ZNF423: variants seen among roughly 807,000 people sequenced by gnomAD.
ZNF423 encodes zinc finger protein 423.
ZNF423 carries 12 observed loss-of-function variants against 95.8 expected under a neutral mutation model. The ratio of observed to expected loss-of-function variants is 0.13; its 90% CI spans 0.08 to 0.20. ZNF423 has a LOEUF of 0.20. ZNF423 is among the 10% of genes least tolerant of loss of function. ZNF423 has a pLI of 1.00. For synonymous variants in ZNF423, 749 were observed against 711.9 expected (o/e 1.05, Z -0.83); for missense variants, 1,316 against 1,737.1 (o/e 0.76, Z 4.31).
chr16:49,738,493 C>T (rs1188609589), intron 2 of ZNF423, among the ~76,000 whole-genome samples: 1 of 152,138 alleles, frequency 6.6e-6, no homozygotes, highest in East Asian at 1.9e-4. Flanking sequence ...GAACGCCATC[C>T]TCTCCAACCT....
At chr16:49,626,628 A>G (rs1197836181) in intron 4 of ZNF423, among the ~76,000 whole-genome samples, 1 of 143,854 alleles carries the variant, frequency 7.0e-6, no homozygotes, top group Non-Finnish European at 1.5e-5. Context: ...TACATACACA[A>G]TCACCCATCT....
At chr16:49,719,282 C>T (rs1293012813) in intron 3 of ZNF423, among the ~76,000 whole-genome samples, 1 of 152,174 alleles carries the variant, frequency 6.6e-6, no homozygotes, top group African/African-American at 2.4e-5. Flanking sequence ...AGCAGCTCCA[C>T]GTGACGGGCC....
chr16:49,686,639 C>T (rs2031576004), intron 3 of ZNF423, among the ~76,000 whole-genome samples: 1 of 152,076 alleles, frequency 6.6e-6, no homozygotes, highest in Non-Finnish European at 1.5e-5. Context: ...CCCACCACAC[C>T]CAGGCTTCCT....
At position 49,607,770 on chromosome 16, in the gene ZNF423, C is replaced by A. The variant is rs116193419; in HGVS notation, c.3601+18400G>T. Among the ~76,000 whole-genome samples the A allele has an allele frequency of 6.6e-3, 999 of 152,338 alleles. 15 individuals are homozygous for A. Among genetic ancestry groups the A allele is most frequent in the African/African-American group, 0.022 (922 of 41,568 alleles). Reference sequence around the variant, plus strand: ...ATTTGCCTCGAAATCTCAGGAACATCCACCCCTTTCCATTATCCATCCAAA... The same window carrying A: ...ATTTGCCTCGAAATCTCAGGAACATACACCCCTTTCCATTATCCATCCAAA... On this transcript the variant is annotated intron_variant, in intron 5 of 7. Transcript: ENST00000563137.
chr16:49,726,611 T>C (rs1409422395), intron 3 of ZNF423, among the ~76,000 whole-genome samples: 1 of 152,122 alleles, frequency 6.6e-6, no homozygotes, highest in Non-Finnish European at 1.5e-5. Flanking sequence ...TGCCCATCCT[T>C]GGCAATTCAG....
upstream of ZNF423, among the ~76,000 whole-genome samples, chr16:49,856,317 G>A (rs2035369408): frequency 6.8e-6 from 1 of 148,046 alleles, no homozygotes; most frequent in South Asian, 2.2e-4. Flanking sequence ...CCGGTGCGGA[G>A]CTCACAATGA....
At chr16:49,627,902 C>T (rs1972355373) in intron 4 of ZNF423, among the ~76,000 whole-genome samples, 1 of 150,534 alleles carries the variant, frequency 6.6e-6, no homozygotes, top group South Asian at 2.1e-4. Context: ...TATATCCATC[C>T]ACCCATCTAC....
intron 3 of ZNF423, among the ~76,000 whole-genome samples, chr16:49,726,846 T>C (rs866442393): frequency 9.4e-5 from 9 of 96,016 alleles, no homozygotes; most frequent in African/African-American, 1.3e-4. Flanking sequence ...AAAGACAGAG[T>C]TCCCCCTAGC....
At chr16:49,523,566 G>A in intron 7 of ZNF423, 58 bp downstream of exon 7, 1 of 1,467,640 alleles carries the variant, frequency 6.8e-7, no homozygotes, top group Non-Finnish European at 9.5e-7. Flanking sequence ...GACCGTCGGT[G>A]CTGACGGGGG....
intron 2 of ZNF423, among the ~76,000 whole-genome samples, chr16:49,783,735 G>A (rs2034259251): frequency 6.6e-6 from 1 of 152,004 alleles, no homozygotes; most frequent in African/African-American, 2.4e-5. Flanking sequence ...CCTTTGGAAG[G>A]CTGACGCTTG....
At chr16:49,548,601 A>G (rs936024523) in intron 5 of ZNF423, among the ~76,000 whole-genome samples, 1 of 152,178 alleles carries the variant, frequency 6.6e-6, no homozygotes, top group Non-Finnish European at 1.5e-5. Context: ...AAATGTGGCC[A>G]TCTGCACCTC....
intron 5 of ZNF423, among the ~76,000 whole-genome samples, chr16:49,559,253 T>G (rs987511157): frequency 6.6e-6 from 1 of 152,182 alleles, no homozygotes; most frequent in African/African-American, 2.4e-5. Context: ...TATTGCCACT[T>G]CCCGCTTTGT....
intron 3 of ZNF423, among the ~76,000 whole-genome samples, chr16:49,682,239 ATTTTCCCCCAACCCCAT>A (rs2031391899): frequency 2.1e-4 from 1 of 4,714 alleles, no homozygotes; most frequent in African/African-American, 7.4e-4. Flanking sequence ...TCTCAACCCC[ATTTTCCCCCAACCCCAT>A]TTTCCCCCCA....
At chr16:49,500,525 G>C (rs967191690) in intron 7 of ZNF423, among the ~76,000 whole-genome samples, 1 of 152,122 alleles carries the variant, frequency 6.6e-6, no homozygotes, top group African/African-American at 2.4e-5. Flanking sequence ...TAAAAGATGG[G>C]GCCCCAATCT....
chr16:49,501,238 C>G (rs919792435), intron 7 of ZNF423, among the ~76,000 whole-genome samples: 1 of 152,134 alleles, frequency 6.6e-6, no homozygotes, highest in Non-Finnish European at 1.5e-5. Flanking sequence ...AGCAGTAAGA[C>G]CCAGTGGGGT....
chr16:49,741,455 C>T (rs1304942178), intron 2 of ZNF423, among the ~76,000 whole-genome samples: 2 of 151,624 alleles, frequency 1.3e-5, no homozygotes, highest in African/African-American at 4.9e-5. Flanking sequence ...TGCAGTAAGC[C>T]AAGATTGCAC....
At chr16:49,625,545 A>C (rs1432795985) in intron 5 of ZNF423, among the ~76,000 whole-genome samples, 1 of 152,056 alleles carries the variant, frequency 6.6e-6, no homozygotes, top group Non-Finnish European at 1.5e-5. Flanking sequence ...AGAACATCAG[A>C]ACATCCAGCT....
chr16:49,662,298 C>G (rs1395940370), intron 3 of ZNF423, among the ~76,000 whole-genome samples: 2 of 152,170 alleles, frequency 1.3e-5, no homozygotes, highest in Non-Finnish European at 2.9e-5. Flanking sequence ...CTTCTGAACT[C>G]CCTTAGTCTG....
Position 49,608,290 on chromosome 16 carries a change from C to G in ZNF423, c.3601+17880G>C, listed in dbSNP as rs1971606436. Among the ~76,000 whole-genome samples the G allele has an allele frequency of 1.3e-5, 2 of 152,176 alleles. 1 individual carries two copies. Among genetic ancestry groups the G allele is most frequent in the African/African-American group, 4.8e-5 (2 of 41,440 alleles). On this transcript the variant is annotated intron_variant, in intron 5 of 7. Transcript: ENST00000563137. ...AGGCTTGATTTACAACTGCCACCAA[C>G]AGGCGAGTCAGAAGAGGAGGGGAGG...
Sources: allele counts gnomAD v4.1 joint callset (sites outside exome capture counted in the v4.1 genomes callset), GRCh38; gene constraint gnomAD v4.1.1; transcripts MANE v1.5; gene names NCBI Gene and HGNC (gene_info 2026-07-23, HGNC 2026-07-21).